The following SLC29A3 variants were observed in gnomAD, a reference collection of about 807,000 sequenced individuals.
SLC29A3 encodes the protein equilibrative nucleoside transporter 3.
Under a neutral mutation model 25.4 loss-of-function variants are expected in SLC29A3, and 18 were observed. The ratio of observed to expected loss-of-function variants is 0.71; its 90% CI spans 0.49 to 1.05. The LOEUF (loss-of-function observed/expected upper bound fraction) is 1.05. SLC29A3 is among the 50% of genes least tolerant of loss of function. SLC29A3 has a pLI of 0.00. For missense variants in SLC29A3, 586 were observed against 609.0 expected, an observed-to-expected ratio of 0.96 and a Z score of 0.40; for synonymous variants, 258 against 267.1, an observed-to-expected ratio of 0.97 and a Z score of 0.33.
intron 3 of SLC29A3, among the ~76,000 whole-genome samples, chr10:71,346,236 G>A (rs1846576469): frequency 6.6e-6 from 1 of 152,210 alleles, no homozygotes; most frequent in Admixed American, 6.5e-5. Flanking sequence ...TCTGGGCTGT[G>A]AGAGAATGCT....
At chr10:71,357,591 G>A (rs1846949276) in intron 5 of SLC29A3, among the ~76,000 whole-genome samples, 1 of 152,206 alleles carries the variant, frequency 6.6e-6, no homozygotes, top group African/African-American at 2.4e-5. Context: ...CTCAGAGCCA[G>A]TAGGCAGTAG....
chr10:71,362,133 T>TCAC lies in SLC29A3; in HGVS notation c.956_958dup (p.Thr319dup), dbSNP rs1245579135. ...TTCTGTGTCACCTACGTCTTCTTCA[T>TCAC]CACCAGCCTCATCTACCCCGCCATC... On this transcript the variant is annotated inframe_insertion, in exon 6 of 6. Transcript: ENST00000373189. 1.2e-6 allele frequency: 2 copies of TCAC among 1,613,944 alleles called. No individual in the cohort carries two copies. The highest frequency in any genetic ancestry group is 2.7e-5 in the African/African-American group (2 of 74,886).
Position 71,362,042 on chromosome 10 carries a change from T to C in SLC29A3, c.862T>C (p.Ser288Pro). 6.2e-7 allele frequency: 1 copy of C among 1,614,042 alleles called. No individual in the cohort carries two copies. The highest frequency in any genetic ancestry group is 8.5e-7 in the Non-Finnish European group (1 of 1,179,994). Residue 288 changes from serine to proline, a missense_variant, in exon 6 of 6, where the codon TCC becomes CCC. Ser to Pro is a moderately conservative substitution (Grantham distance 74). Transcript: ENST00000373189. Reference protein sequence around the residue: ...QDSLSAPSVASRFIDSHTPPL... With the variant: ...QDSLSAPSVAPRFIDSHTPPL... ...CTCCCTCAGTGCCCCTTCGGTGGCC[T>C]CCAGATTCATTGATTCCCACACACC...
intron 3 of SLC29A3, among the ~76,000 whole-genome samples, chr10:71,345,597 A>C (rs1217469559): frequency 1.3e-5 from 2 of 152,254 alleles, no homozygotes; most frequent in Non-Finnish European, 2.9e-5. Flanking sequence ...ACCAAAGTGC[A>C]GTCTGGAAGA....
At chr10:71,319,495 C>T (rs1845797524) in intron 1 of SLC29A3, 185 bp downstream of exon 1, 1 of 428,274 alleles carries the variant, frequency 2.3e-6, no homozygotes. Flanking sequence ...TGCCACCCCT[C>T]TTTCTGGGTC....
At position 71,351,938 on chromosome 10, in the gene SLC29A3, C is replaced by T. The variant is rs753240363; in HGVS notation, c.610+150C>T. 22 of 785,504 alleles carry T rather than the reference C, an allele frequency of 2.8e-5. No homozygotes were observed. In the East Asian group the frequency reaches 4.5e-4, roughly 16 times the overall value. The allele number at this position is 785,504 out of a possible 1,614,324, so 48.7% of individuals were successfully genotyped here. ...GTCATCTAGTGTTGTAGAACAACAA[C>T]GGTCATTTCTACTACTCACAAATTT... On this transcript the variant is annotated intron_variant, in intron 4 of 5. Coordinates refer to ENST00000373189, the MANE Select transcript of SLC29A3 (RefSeq NM_018344.6).
rs776790087 is a variant in SLC29A3 at position 71,362,619 on chromosome 10, A to C, written c.*11A>C. ...GTGCACCTCATCTAGAAGGGAGGACACAAGGACATTGGTGCTTCAGAGCCT... is the reference window on the plus strand; with the variant it reads ...GTGCACCTCATCTAGAAGGGAGGACCCAAGGACATTGGTGCTTCAGAGCCT... On this transcript the variant is annotated 3_prime_UTR_variant, in exon 6 of 6. Coordinates refer to ENST00000373189, the MANE Select transcript of SLC29A3 (RefSeq NM_018344.6). 108 of 1,614,126 alleles carry C rather than the reference A, an allele frequency of 6.7e-5. 1 individual carries two copies. In the South Asian group the frequency reaches 1.1e-3, roughly 16 times the overall value.
Position 71,363,240 on chromosome 10 carries a change from A to G in SLC29A3, c.*632A>G, listed in dbSNP as rs1449202797. 2.2e-6 allele frequency: 1 copy of G among 453,972 alleles called. No individual in the cohort carries two copies. Among genetic ancestry groups the G allele is most frequent in the Non-Finnish European group, 4.4e-6 (1 of 226,798 alleles). The allele number at this position is 453,972 out of a possible 1,614,324, so 28.1% of individuals were successfully genotyped here. A position where few individuals can be genotyped will look rare whatever the true frequency, so the allele number is the denominator to read the frequency against. On this transcript the variant is annotated 3_prime_UTR_variant, in exon 6 of 6. Coordinates refer to ENST00000373189, the MANE Select transcript of SLC29A3 (RefSeq NM_018344.6). ...GGCCTCCCTGTGCAAGGGATCAAGC[A>G]TGTCTGGCCTGGGTTTTCAAAAAAA...
intron 2 of SLC29A3, among the ~76,000 whole-genome samples, chr10:71,328,936 T>C (rs1846045671): frequency 6.6e-6 from 1 of 152,226 alleles, no homozygotes; most frequent in South Asian, 2.1e-4. Context: ...ACTTGGGATC[T>C]GCCCTTGAAG....
intron 3 of SLC29A3, 143 bp downstream of exon 3, chr10:71,344,434 A>T: frequency 1.4e-6 from 1 of 711,004 alleles, no homozygotes; most frequent in Non-Finnish European, 2.5e-6. Context: ...TTATGCATGA[A>T]GAGTGAGAAG....
intron 4 of SLC29A3, among the ~76,000 whole-genome samples, chr10:71,376,338 G>A (rs1847251643): frequency 6.6e-6 from 1 of 152,238 alleles, no homozygotes; most frequent in East Asian, 1.9e-4. Context: ...AAGACTTGAA[G>A]TGAAAATTGC....
intron 3 of SLC29A3, among the ~76,000 whole-genome samples, chr10:71,372,039 C>G (rs1847215454): frequency 6.6e-6 from 1 of 152,228 alleles, no homozygotes; most frequent in Non-Finnish European, 1.5e-5. Flanking sequence ...TAAACCAGAT[C>G]TATCGACAGT....
chr10:71,330,116 C>T (rs1379375412), intron 2 of SLC29A3, among the ~76,000 whole-genome samples: 1 of 152,222 alleles, frequency 6.6e-6, no homozygotes, highest in Non-Finnish European at 1.5e-5. Flanking sequence ...CCAGTGGTGG[C>T]CCCTGGAAGA....
chr10:71,319,442 C>A, intron 1 of SLC29A3, 132 bp downstream of exon 1: 1 of 473,706 alleles, frequency 2.1e-6, no homozygotes, highest in Non-Finnish European at 3.7e-6. Flanking sequence ...CTACCCCATC[C>A]GTGGTCCCTT....
intron 2 of SLC29A3, among the ~76,000 whole-genome samples, chr10:71,326,709 G>A (rs928769089): frequency 3.3e-5 from 5 of 152,202 alleles, no homozygotes; most frequent in Non-Finnish European, 7.3e-5. Context: ...TGCTTTCACC[G>A]CAAGGCGATC....
At chr10:71,336,501 G>A (rs1426205442) in intron 2 of SLC29A3, among the ~76,000 whole-genome samples, 1 of 151,940 alleles carries the variant, frequency 6.6e-6, no homozygotes, top group Non-Finnish European at 1.5e-5. Flanking sequence ...TGGCAACATG[G>A]ACTACATTTT....
At chr10:71,379,320 T>A (rs796354196) in intron 4 of SLC29A3, among the ~76,000 whole-genome samples, 4 of 152,298 alleles carry the variant, frequency 2.6e-5, no homozygotes, top group African/African-American at 9.6e-5. Context: ...CAGACCAGGC[T>A]AAAAATCCAA....
chr10:71,340,327 C>T (rs1476628129), intron 2 of SLC29A3, among the ~76,000 whole-genome samples: 2 of 152,206 alleles, frequency 1.3e-5, no homozygotes, highest in Non-Finnish European at 2.9e-5. Flanking sequence ...CTGAGTGGCG[C>T]CATTCCTATC....
chr10:71,347,835 G>A (rs1846633592), intron 3 of SLC29A3, among the ~76,000 whole-genome samples: 1 of 152,066 alleles, frequency 6.6e-6, no homozygotes, highest in African/African-American at 2.4e-5. Flanking sequence ...TCCTGCCCTG[G>A]GGGTACCTGA....
Sources: gnomAD v4.1 joint callset for allele counts (sites outside exome capture counted in the v4.1 genomes callset) on GRCh38, gnomAD v4.1.1 for gene constraint, MANE v1.5 for transcripts, NCBI Gene and HGNC (gene_info 2026-07-23, HGNC 2026-07-21) for gene names.